Variants in KCNQ3 observed in about 807,000 individuals in gnomAD.
KCNQ3 encodes potassium voltage-gated channel subfamily KQT member 3.
A neutral mutation model predicts 92.5 loss-of-function variants in KCNQ3; 30 were observed. The ratio of observed to expected loss-of-function variants is 0.32; its 90% confidence interval spans 0.24 to 0.44. The LOEUF (loss-of-function observed/expected upper bound fraction) is 0.44. Ranked by LOEUF, KCNQ3 falls within the 20% of genes least tolerant of loss-of-function variation. The pLI, the probability that KCNQ3 is intolerant of heterozygous loss-of-function variation, is 1.00. For missense variants in KCNQ3, 913 were observed against 1,140.3 expected (o/e 0.80, Z 2.87); for synonymous variants, 450 against 468.8 (o/e 0.96, Z 0.52).
At chr8:132,380,142 ACTT>A (rs1047999636) in intron 1 of KCNQ3, among the ~76,000 whole-genome samples, 4 of 152,140 alleles carry the variant, frequency 2.6e-5, no homozygotes, top group Non-Finnish European at 5.9e-5. Context: ...TTGTTCAAGA[ACTT>A]CTTAAGAGAC....
rs1404572376 is a variant in KCNQ3, at chr8:132,289,722, C to T, written c.387-103541G>A. ...AGGGGAAGAGAGGGGATTATTCATT[C>T]TATTACAAATATATAAATGAAAATA... On this transcript the variant is annotated intron_variant, in intron 1 of 14. Transcript: ENST00000388996. Among the ~76,000 whole-genome samples, 4 of 152,084 alleles carry T rather than the reference C, an allele frequency of 2.6e-5. No homozygotes were observed. The East Asian group carries it at 7.7e-4, about 29-fold the overall frequency.
At chr8:132,322,542 T>C (rs1242973574) in intron 1 of KCNQ3, among the ~76,000 whole-genome samples, 2 of 152,150 alleles carry the variant, frequency 1.3e-5, no homozygotes, top group Admixed American at 1.3e-4. Context: ...TGTGTGCATA[T>C]GTGGAATAGA....
rs181014757 is a variant in KCNQ3 at position 132,372,179 on chromosome 8, A to T, written c.386+107968T>A. On this transcript the variant is annotated intron_variant, in intron 1 of 14. Coordinates refer to ENST00000388996, the MANE Select transcript of KCNQ3 (RefSeq NM_004519.4). Reference sequence around the variant, plus strand: ...TAATGGCTTCCTCTGGGCTTCTAACATCATGATTCTATTTCTTAGTGGTTC... The same window carrying T: ...TAATGGCTTCCTCTGGGCTTCTAACTTCATGATTCTATTTCTTAGTGGTTC... 3.2e-3 allele frequency among the ~76,000 whole-genome samples: 490 copies of T among 152,090 alleles called. 5 individuals are homozygous for T. The highest frequency in any genetic ancestry group is 0.017 in the Middle Eastern group (5 of 294).
Position 132,217,109 on chromosome 8 carries a change from G to A in KCNQ3, c.387-30928C>T, listed in dbSNP as rs78222860. 1.8e-3 allele frequency among the ~76,000 whole-genome samples: 280 copies of A among 151,994 alleles called. 2 individuals carry two copies. The highest frequency in any genetic ancestry group is 3.5e-3 in the Non-Finnish European group (238 of 68,004). ...TATCTTGGAATTACTATACAATGGC[G>A]CACCTCTCTGCCCAACTCTATGTTA... On this transcript the variant is annotated intron_variant, in intron 1 of 14. Coordinates refer to ENST00000388996, the MANE Select transcript of KCNQ3 (RefSeq NM_004519.4).
intron 7 of KCNQ3, among the ~76,000 whole-genome samples, chr8:132,171,284 T>A (rs1237699849): frequency 1.3e-5 from 2 of 152,096 alleles, no homozygotes; most frequent in African/African-American, 4.8e-5. Context: ...ATATGCGGGA[T>A]GACATCATGC....
At position 132,134,273 on chromosome 8, in the gene KCNQ3, A is replaced by G. The variant is rs772154355; in HGVS notation, c.1799+17T>C. The G allele has an allele frequency of 1.1e-5, 17 of 1,597,864 alleles. No homozygotes were observed. The highest frequency in any genetic ancestry group is 1.3e-5 in the Non-Finnish European group (15 of 1,165,800). On this transcript the variant is annotated intron_variant, in intron 13 of 14. Transcript: ENST00000388996. ...CTTTGCACCCCTGGCCCATCAGTCC[A>G]TGTCCACTGGCCCCACCTGGGAGAT... is the stretch of plus-strand genomic sequence containing the variant.
chr8:132,246,507 T>C (rs1314967040), intron 1 of KCNQ3, among the ~76,000 whole-genome samples: 2 of 152,236 alleles, frequency 1.3e-5, no homozygotes, highest in Non-Finnish European at 2.9e-5. Context: ...TAAATCATTA[T>C]TTAGCAAGAG....
At chr8:132,460,107 C>T (rs577708144) in intron 1 of KCNQ3, among the ~76,000 whole-genome samples, 1 of 152,056 alleles carries the variant, frequency 6.6e-6, no homozygotes, top group Non-Finnish European at 1.5e-5. Flanking sequence ...GCCCTTGGCT[C>T]ACCTTGTATA....
At position 132,129,315 on chromosome 8, in the gene KCNQ3, T is replaced by C. The variant is rs1390991069; in HGVS notation, c.2566A>G (p.Thr856Ala). The part of the protein sequence containing the change: ...TPSGSMPLSS[T>A]GDGISDSVWT... ...ACTGAATCAGAAATCCCATCCCCTG[T>C]GGACGACAGAGGCATGGAGCCGCTG... is the stretch of plus-strand genomic sequence containing the variant. Residue 856 changes from threonine (T) to alanine (A), a missense_variant, in exon 15 of 15, where the codon ACA becomes GCA. By Grantham distance (58) the Thr-to-Ala change is moderately conservative (BLOSUM62 0). Around this residue, in one of 6 missense-constraint regions of KCNQ3, gnomAD observed 375 missense variants for 376.4 expected, o/e 1.00. Coordinates refer to ENST00000388996, the MANE Select transcript of KCNQ3 (RefSeq NM_004519.4). This position sits in a 1 kb window ranked among gnomAD's most constrained non-coding sequence, Gnocchi z 5.9. 1.2e-6 allele frequency: 2 copies of C among 1,614,106 alleles called. No homozygotes were observed. The highest frequency in any genetic ancestry group is 2.2e-5 in the East Asian group (1 of 44,884).
chr8:132,396,204 C>T (rs1820189341), intron 1 of KCNQ3, among the ~76,000 whole-genome samples: 1 of 152,142 alleles, frequency 6.6e-6, no homozygotes, highest in African/African-American at 2.4e-5. Flanking sequence ...CGAAATGGCC[C>T]ACTCTTTGCC....
intron 1 of KCNQ3, among the ~76,000 whole-genome samples, chr8:132,433,980 G>A (rs376898182): frequency 1.8e-4 from 27 of 151,916 alleles, no homozygotes; most frequent in East Asian, 7.8e-4. Flanking sequence ...AGGCCGAGGC[G>A]GGCGGATCAC....
chr8:132,404,184 A>AAGTGGGACAAAGG (rs1820418904), intron 1 of KCNQ3, among the ~76,000 whole-genome samples: 1 of 152,332 alleles, frequency 6.6e-6, no homozygotes, highest in Non-Finnish European at 1.5e-5. Flanking sequence ...GATGCTCTGT[A>AAGTGGGACAAAGG]GAGTCGTGGT....
intron 1 of KCNQ3, among the ~76,000 whole-genome samples, chr8:132,232,741 G>A (rs956524207): frequency 6.6e-6 from 1 of 152,074 alleles, no homozygotes; most frequent in Non-Finnish European, 1.5e-5. Context: ...TACTAATGAA[G>A]ACCGGTTTCA....
Position 132,465,436 on chromosome 8 carries a change from G to T in KCNQ3, c.386+14711C>A, listed in dbSNP as rs570970765. Reference sequence around the variant, plus strand: ...TACAAAAAACAATTTTAAAAAAATAGCGGGCATAGGCTGGGTATGGCGGCT... The same window carrying T: ...TACAAAAAACAATTTTAAAAAAATATCGGGCATAGGCTGGGTATGGCGGCT... On this transcript the variant is annotated intron_variant, in intron 1 of 14. Transcript: ENST00000388996. Among the ~76,000 whole-genome samples the T allele has an allele frequency of 1.4e-3, 206 of 151,056 alleles. 1 individual carries two copies. The highest frequency in any genetic ancestry group is 4.8e-3 in the African/African-American group (196 of 41,010).
At chr8:132,476,485 G>A (rs1802560109) in intron 1 of KCNQ3, among the ~76,000 whole-genome samples, 1 of 152,234 alleles carries the variant, frequency 6.6e-6, no homozygotes, top group Non-Finnish European at 1.5e-5. Flanking sequence ...CCCAAGCCTT[G>A]CATTAGGGTG....
At chr8:132,133,354 CTTT>C (rs10673519) in intron 13 of KCNQ3, among the ~76,000 whole-genome samples, 8 of 103,490 alleles carry the variant, frequency 7.7e-5, no homozygotes, top group Middle Eastern at 0.01. Flanking sequence ...GCTCTCGATT[CTTT>C]TTTTTTTTTT....
chr8:132,448,526 GGAA>G (rs1821746626), intron 1 of KCNQ3, among the ~76,000 whole-genome samples: 3 of 138,348 alleles, frequency 2.2e-5, no homozygotes, highest in African/African-American at 8.5e-5. Flanking sequence ...AAAAAAAAGA[GGAA>G]GAAGAAGAAA....
At chr8:132,133,472 C>T (rs539299351) in intron 13 of KCNQ3, among the ~76,000 whole-genome samples, 1 of 150,976 alleles carries the variant, frequency 6.6e-6, no homozygotes, top group East Asian at 2.0e-4. Flanking sequence ...TCTCCTGCCT[C>T]AGCCTCCCAA....
At chr8:132,235,515 T>C (rs1586852025) in intron 1 of KCNQ3, among the ~76,000 whole-genome samples, 1 of 151,876 alleles carries the variant, frequency 6.6e-6, no homozygotes, top group Non-Finnish European at 1.5e-5. Context: ...AAAAGAAACT[T>C]CCTGTCCAGC....
Sources: gnomAD v4.1 joint callset for allele counts (sites outside exome capture counted in the v4.1 genomes callset) on GRCh38, gnomAD v4.1.1 for gene constraint, gnomAD v4.1.1 regional missense constraint, Gnocchi (gnomAD v3.1) non-coding constraint, MANE v1.5 for transcripts, NCBI Gene and HGNC (gene_info 2026-07-23, HGNC 2026-07-21) for gene names.